Variants in JARID2 observed in about 807,000 individuals in gnomAD.
JARID2 encodes protein Jumonji.
Under a neutral mutation model 125.6 loss-of-function variants are expected in JARID2, and 21 were observed. The observed-to-expected ratio is 0.17, with a 90% CI of 0.12 to 0.24. The LOEUF (loss-of-function observed/expected upper bound fraction) is 0.24, where lower values mean the gene tolerates loss of function less well. Among genes scored for constraint, JARID2 ranks in the 10% least tolerant of loss-of-function variants. JARID2 has a pLI of 1.00. For synonymous variants in JARID2, 736 were observed against 661.6 expected (o/e 1.11, Z -1.73); for missense variants, 1,303 against 1,639.6 (o/e 0.79, Z 3.55).
intron 14 of JARID2, 81 bp from the exon 15 acceptor site, chr6:15,512,834 C>T: frequency 7.4e-7 from 1 of 1,343,610 alleles, no homozygotes; most frequent in Non-Finnish European, 1.0e-6. Context: ...AGACAGCCTG[C>T]CTGCCCCCTC....
chr6:15,508,854 A>G lies in JARID2; in HGVS notation c.2846+400A>G, dbSNP rs1004234896. On this transcript the variant is annotated intron_variant, in intron 12 of 17. Transcript: ENST00000341776. ...AAGAGTTATTTTCACCTTAGGGTTAAGGAACAGTAGTAAAAGTGCCACACA... is the reference window on the plus strand; with the variant it reads ...AAGAGTTATTTTCACCTTAGGGTTAGGGAACAGTAGTAAAAGTGCCACACA... The G allele has an allele frequency of 1.7e-4, 119 of 694,140 alleles. 1 individual carries two copies. In the African/African-American group the frequency reaches 2.1e-3, roughly 12 times the overall value. The allele number at this position is 694,140 out of a possible 1,614,324, so 43.0% of individuals were successfully genotyped here.
intron 3 of JARID2, among the ~76,000 whole-genome samples, chr6:15,427,549 C>G (rs1261387303): frequency 6.6e-6 from 1 of 151,868 alleles, no homozygotes; most frequent in African/African-American, 2.4e-5. Flanking sequence ...ATACAAGTTT[C>G]TTTCCTTCCT....
intron 1 of JARID2, chr6:15,247,958 G>A (rs1759247505): frequency 1.0e-6 from 1 of 985,470 alleles, no homozygotes; most frequent in African/African-American, 1.7e-5. Flanking sequence ...CCCGGGGCAC[G>A]TCCGTTTCGG....
chr6:15,487,262 T>A (rs1445391617), intron 5 of JARID2, 45 bp from the exon 6 acceptor site: 3 of 1,514,898 alleles, frequency 2.0e-6, no homozygotes, highest in East Asian at 4.6e-5. Flanking sequence ...TGCGTGGTAG[T>A]GGTCAAGGTA....
At chr6:15,316,861 A>G (rs1762197067) in intron 1 of JARID2, among the ~76,000 whole-genome samples, 1 of 151,824 alleles carries the variant, frequency 6.6e-6, no homozygotes, top group Non-Finnish European at 1.5e-5. Flanking sequence ...TAGGATGGCT[A>G]CAGCCAGACA....
chr6:15,251,939 G>C (rs999837727), intron 1 of JARID2, among the ~76,000 whole-genome samples: 1 of 151,832 alleles, frequency 6.6e-6, no homozygotes, highest in Non-Finnish European at 1.5e-5. Context: ...TTGAACCTGG[G>C]AGGCGGAGGT....
chr6:15,390,504 A>G (rs1197349394), intron 2 of JARID2, among the ~76,000 whole-genome samples: 1 of 152,202 alleles, frequency 6.6e-6, no homozygotes, highest in Non-Finnish European at 1.5e-5. Context: ...TAAGATTGCC[A>G]TCAAGTGGCT....
chr6:15,452,547 G>A (rs1020317991), intron 4 of JARID2, among the ~76,000 whole-genome samples: 9 of 152,060 alleles, frequency 5.9e-5, no homozygotes, highest in African/African-American at 2.2e-4. Flanking sequence ...AGGACTTTGG[G>A]GCTGTGAAGG....
At chr6:15,465,091 G>A (rs1286541955) in intron 4 of JARID2, among the ~76,000 whole-genome samples, 6 of 151,972 alleles carry the variant, frequency 3.9e-5, no homozygotes, top group Non-Finnish European at 8.8e-5. Context: ...TCACATATTC[G>A]TATTTGCCGA....
At chr6:15,490,881 T>C (rs1770118604) in intron 6 of JARID2, among the ~76,000 whole-genome samples, 1 of 152,230 alleles carries the variant, frequency 6.6e-6, no homozygotes, top group Admixed American at 6.5e-5. Context: ...AGCCAGGATA[T>C]TGAACCAGAT....
intron 1 of JARID2, among the ~76,000 whole-genome samples, chr6:15,346,188 C>G (rs1581438369): frequency 6.6e-6 from 1 of 152,160 alleles, no homozygotes; most frequent in African/African-American, 2.4e-5. Flanking sequence ...TTTAAATGTG[C>G]TTCCCAAAGA....
chr6:15,513,022 C>T lies in JARID2; in HGVS notation c.3243C>T (p.Ile1081=), dbSNP rs1278760631. The T allele has an allele frequency of 6.2e-7, 1 of 1,614,016 alleles. No individual in the cohort carries two copies. The highest frequency in any genetic ancestry group is 1.7e-5 in the Admixed American group (1 of 60,008). ...KKENGPTLST[I]SALLDELRDT... ...AAAACGGTCCCACTCTCAGTACCAT[C>T]TCAGCCCTCCTGGATGAGCTCAGGT... Residue 1081 remains isoleucine, a synonymous_variant, in exon 15 of 18, where the codon ATC becomes ATT. Transcript: ENST00000341776.
chr6:15,397,751 T>G (rs1444932218), intron 2 of JARID2, among the ~76,000 whole-genome samples: 2 of 152,206 alleles, frequency 1.3e-5, no homozygotes, highest in Admixed American at 6.5e-5. Context: ...AACTTGTAAA[T>G]TTGAACATTT....
chr6:15,396,684 T>C (rs1362871765), intron 2 of JARID2, among the ~76,000 whole-genome samples: 1 of 152,218 alleles, frequency 6.6e-6, no homozygotes, highest in Non-Finnish European at 1.5e-5. Context: ...CAAAATGGTG[T>C]GCAATTTAAA....
intron 3 of JARID2, among the ~76,000 whole-genome samples, chr6:15,416,145 G>A (rs1440983479): frequency 6.6e-6 from 1 of 151,326 alleles, no homozygotes; most frequent in Admixed American, 6.6e-5. Flanking sequence ...CCGGGAAGAG[G>A]CGCTCCTCAC....
chr6:15,408,581 C>G (rs1485261269), intron 2 of JARID2, among the ~76,000 whole-genome samples: 1 of 152,148 alleles, frequency 6.6e-6, no homozygotes, highest in Non-Finnish European at 1.5e-5. Context: ...TTTCTGCAGT[C>G]ACACTCAAAA....
At chr6:15,503,126 T>C (rs1267026060) in intron 8 of JARID2, among the ~76,000 whole-genome samples, 1 of 152,188 alleles carries the variant, frequency 6.6e-6, no homozygotes, top group Non-Finnish European at 1.5e-5. Context: ...CTCTGCGTGG[T>C]GGCCATGGCG....
At chr6:15,462,984 A>G (rs1768523836) in intron 4 of JARID2, among the ~76,000 whole-genome samples, 1 of 152,260 alleles carries the variant, frequency 6.6e-6, no homozygotes, top group Non-Finnish European at 1.5e-5. Context: ...TTGTGGAGAC[A>G]TTGCCAGCTA....
intron 4 of JARID2, among the ~76,000 whole-genome samples, chr6:15,464,997 C>T (rs142026098): frequency 1.3e-5 from 2 of 152,278 alleles, no homozygotes; most frequent in East Asian, 1.9e-4. Context: ...CTCAGAATTG[C>T]CCTTATTCCT....
Sources: gnomAD v4.1 joint callset for allele counts (sites outside exome capture counted in the v4.1 genomes callset) on GRCh38, gnomAD v4.1.1 for gene constraint, MANE v1.5 for transcripts, NCBI Gene and HGNC (gene_info 2026-07-23, HGNC 2026-07-21) for gene names.